The following NWD2 variants were observed in gnomAD, a reference collection of about 807,000 sequenced individuals.
The protein encoded by NWD2 is NACHT and WD repeat domain containing 2.
A neutral mutation model predicts 132.7 loss-of-function variants in NWD2; 37 were observed. The observed-to-expected ratio is 0.28, with a 90% confidence interval of 0.21 to 0.37. The LOEUF (loss-of-function observed/expected upper bound fraction) is 0.37, where lower values mean the gene tolerates loss of function less well. NWD2 is among the 10% of genes least tolerant of loss of function. The pLI is 1.00. For synonymous variants in NWD2, 705 were observed against 803.0 expected, an observed-to-expected ratio of 0.88 and a Z score of 2.06; for missense variants, 1,592 against 2,122.4, an observed-to-expected ratio of 0.75 and a Z score of 4.91.
At chr4:37,320,438 C>T (rs146881526) in intron 1 of NWD2, among the ~76,000 whole-genome samples, 8 of 152,256 alleles carry the variant, frequency 5.3e-5, no homozygotes, top group East Asian at 3.9e-4. Flanking sequence ...TTATTGCTGG[C>T]GGCTCTGTGA....
At chr4:37,306,465 T>C (rs1365136025) in intron 1 of NWD2, among the ~76,000 whole-genome samples, 3 of 152,220 alleles carry the variant, frequency 2.0e-5, no homozygotes, top group Admixed American at 2.0e-4. Flanking sequence ...TGCTATGAAC[T>C]TCACTTAATA....
In NWD2 at chr4:37,244,758, G is replaced by C. The variant is rs988763708; in HGVS notation, c.-310G>C. The C allele has an allele frequency of 1.0e-5, 3 of 293,192 alleles. No homozygotes were observed. Among genetic ancestry groups the C allele is most frequent in the Admixed American group, 1.1e-4 (2 of 18,472 alleles). The allele number at this position is 293,192 out of a possible 1,614,324, so 18.2% of individuals were successfully genotyped here. A position where few individuals can be genotyped will look rare whatever the true frequency, so the allele number is the denominator to read the frequency against. ...TTCCCGGCGCAAACGGGCGCTGCGC[G>C]CGTAGCCGCCGCCACGCTGACCTCC... On this transcript the variant is annotated 5_prime_UTR_variant, in exon 1 of 7. Transcript: ENST00000309447. The surrounding 1 kb of genome is among the most constrained non-coding windows in gnomAD (Gnocchi z 5.5).
At position 37,325,940 on chromosome 4, in the gene NWD2, G is replaced by T. The variant is rs368673772; in HGVS notation, c.156G>T (p.Thr52=). ...GTGTTTGTCTTTCTACTACAGATACGGGAGCAGAAAGACAGGCGCTAAGAG... is the reference window on the plus strand; with the variant it reads ...GTGTTTGTCTTTCTACTACAGATACTGGAGCAGAAAGACAGGCGCTAAGAG... ...RVFISANPED[T]GAERQALREN... Residue 52 remains threonine (T), a synonymous_variant, in exon 2 of 7, where the codon ACG becomes ACT. Transcript: ENST00000309447. 1.3e-6 allele frequency: 2 copies of T among 1,539,106 alleles called. No homozygotes were observed. The highest frequency in any genetic ancestry group is 2.4e-5 in the South Asian group (2 of 83,560).
intron 3 of NWD2, among the ~76,000 whole-genome samples, chr4:37,368,096 T>C (rs1048911214): frequency 6.6e-6 from 1 of 152,146 alleles, no homozygotes; most frequent in African/African-American, 2.4e-5. Flanking sequence ...GCTAGCCTAG[T>C]GTGTGATATA....
chr4:37,414,918 GGGAGCACACT>G (rs2109320510), intron 3 of NWD2, among the ~76,000 whole-genome samples: 1 of 152,296 alleles, frequency 6.6e-6, no homozygotes, highest in East Asian at 1.9e-4. Flanking sequence ...TTACAGATAA[GGGAGCACACT>G]GGAGCACAGA....
At chr4:37,309,862 C>T (rs751749295) in intron 1 of NWD2, among the ~76,000 whole-genome samples, 1 of 152,170 alleles carries the variant, frequency 6.6e-6, no homozygotes, top group African/African-American at 2.4e-5. Flanking sequence ...CTGTTGTTCT[C>T]CCTAGGCATG....
chr4:37,386,217 CT>C (rs1720562117), intron 3 of NWD2, among the ~76,000 whole-genome samples: 1 of 151,820 alleles, frequency 6.6e-6, no homozygotes, highest in Non-Finnish European at 1.5e-5. Flanking sequence ...CTAATGTTGT[CT>C]AGAAGAATAA....
intron 3 of NWD2, among the ~76,000 whole-genome samples, chr4:37,420,343 T>C (rs1711769538): frequency 6.6e-6 from 1 of 152,206 alleles, no homozygotes; most frequent in Non-Finnish European, 1.5e-5. Context: ...CACTCTGTAA[T>C]TGCCCCTCAA....
intron 1 of NWD2, among the ~76,000 whole-genome samples, chr4:37,306,497 G>C (rs1718711169): frequency 6.6e-6 from 1 of 152,020 alleles, no homozygotes; most frequent in African/African-American, 2.4e-5. Flanking sequence ...TATCCCATAG[G>C]TTAGGATATT....
At chr4:37,391,467 AAGGG>A (rs1165404541) in intron 3 of NWD2, among the ~76,000 whole-genome samples, 2 of 152,190 alleles carry the variant, frequency 1.3e-5, no homozygotes, top group African/African-American at 2.4e-5. Context: ...AGTGAGGAGA[AAGGG>A]AGGGATTTAG....
rs1488095292 is a variant in NWD2, at chr4:37,244,770, C to T, written c.-298C>T. On this transcript the variant is annotated 5_prime_UTR_variant, in exon 1 of 7. Transcript: ENST00000309447. The surrounding 1 kb of genome is among the most constrained non-coding windows in gnomAD (Gnocchi z 5.5). ...ACGGGCGCTGCGCGCGTAGCCGCCG[C>T]CACGCTGACCTCCCGCTCCAGCTGG... 6 of 334,256 alleles carry T rather than the reference C, an allele frequency of 1.8e-5. 1 individual carries two copies. The East Asian group carries it at 2.8e-4, about 16-fold the overall frequency. The allele number at this position is 334,256 out of a possible 1,614,324, so 20.7% of individuals were successfully genotyped here. A position where few individuals can be genotyped will look rare whatever the true frequency, so the allele number is the denominator to read the frequency against.
chr4:37,359,479 G>C (rs1472034250), intron 3 of NWD2, among the ~76,000 whole-genome samples: 1 of 151,894 alleles, frequency 6.6e-6, no homozygotes, highest in African/African-American at 2.4e-5. Context: ...CAGTTTCCTC[G>C]CCCAGTGCTC....
intron 3 of NWD2, among the ~76,000 whole-genome samples, chr4:37,385,897 G>C (rs41468145): frequency 0.16 from 24,854 of 152,190 alleles, 2,401 homozygotes; most frequent in Admixed American, 0.2. Context: ...AGATGTACCT[G>C]ACCACAGAGT....
chr4:37,360,780 A>G (rs1298231518), intron 3 of NWD2, among the ~76,000 whole-genome samples: 1 of 152,166 alleles, frequency 6.6e-6, no homozygotes, highest in Non-Finnish European at 1.5e-5. Context: ...TTCTCTCATT[A>G]TCTCATCCCC....
chr4:37,414,591 A>C (rs941851903), intron 3 of NWD2, among the ~76,000 whole-genome samples: 2 of 152,190 alleles, frequency 1.3e-5, no homozygotes, highest in African/African-American at 2.4e-5. Flanking sequence ...GACTTATTTA[A>C]TGTACACTTC....
intron 1 of NWD2, among the ~76,000 whole-genome samples, chr4:37,300,630 A>T (rs538694182): frequency 6.6e-6 from 1 of 152,238 alleles, no homozygotes; most frequent in African/African-American, 2.4e-5. Context: ...AAAGAGAAAC[A>T]TCTTGTTTTG....
intron 4 of NWD2, among the ~76,000 whole-genome samples, chr4:37,431,930 ATAATT>A (rs144365024): frequency 0.01 from 1,564 of 152,208 alleles, 12 homozygotes; most frequent in Non-Finnish European, 0.016. Flanking sequence ...TTATTAAACA[ATAATT>A]TAATGAAATA....
At position 37,430,733 on chromosome 4, in the gene NWD2, C is replaced by T. The variant is rs1337215419; in HGVS notation, c.519C>T (p.Tyr173=). The T allele has an allele frequency of 6.4e-7, 1 of 1,551,626 alleles. No individual in the cohort carries two copies. Among genetic ancestry groups the T allele is most frequent in the Non-Finnish European group, 8.7e-7 (1 of 1,146,856 alleles). The change falls in exon 4 of 7, where the codon TAC becomes TAT. Residue 173 remains tyrosine, a synonymous_variant. Coordinates refer to ENST00000309447, the MANE Select transcript of NWD2 (RefSeq NM_001144990.2). ...AGAACTCGGTGCCAGCAGCCTATTACCTCAGACCCAAGTCAGAAATGCTGA... is the reference window on the plus strand; with the variant it reads ...AGAACTCGGTGCCAGCAGCCTATTATCTCAGACCCAAGTCAGAAATGCTGA... The part of the protein sequence containing the change: ...RDENSVPAAY[Y]LRPKSEMLRS...
At chr4:37,308,013 T>A (rs923409311) in intron 1 of NWD2, among the ~76,000 whole-genome samples, 2 of 152,230 alleles carry the variant, frequency 1.3e-5, no homozygotes, top group African/African-American at 4.8e-5. Context: ...TTTTTCTGAT[T>A]TTGATGAATC....
Sources: gnomAD v4.1 joint callset for allele counts (sites outside exome capture counted in the v4.1 genomes callset) on GRCh38, gnomAD v4.1.1 for gene constraint, Gnocchi (gnomAD v3.1) non-coding constraint, MANE v1.5 for transcripts, NCBI Gene and HGNC (gene_info 2026-07-23, HGNC 2026-07-21) for gene names.